Variants in KLF8 observed in about 807,000 individuals in gnomAD.
The protein encoded by KLF8 is KLF transcription factor 8, also known as Krueppel-like factor 8.
KLF8 carries 10 observed loss-of-function variants against 18.2 expected under a neutral mutation model. The ratio of observed to expected loss-of-function variants is 0.55; its 90% CI spans 0.34 to 0.93. KLF8 has a LOEUF of 0.93. Ranked by LOEUF, KLF8 falls within the 40% of genes least tolerant of loss-of-function variation. The pLI is 0.02. For synonymous variants in KLF8, 109 were observed against 97.3 expected (o/e 1.12, Z -0.71); for missense variants, 264 against 277.9 (o/e 0.95, Z 0.36).
chrX:56,231,327 T>A (rs2066400115), upstream of KLF8, among the ~76,000 whole-genome samples: 1 of 111,785 alleles, frequency 8.9e-6, no homozygotes, highest in Non-Finnish European at 1.9e-5. Context: ...TAGACCTATG[T>A]GTTCGAAAGT....
chrX:55,950,319 G>A, the KLF8 span, among the ~76,000 whole-genome samples: 1 of 110,965 alleles, frequency 9.0e-6, no homozygotes, highest in South Asian at 3.9e-4. Context: ...ATTTCAGAGT[G>A]GCCAACAGCA....
the KLF8 span, among the ~76,000 whole-genome samples, chrX:56,130,120 C>A: frequency 9.0e-6 from 1 of 110,847 alleles, no homozygotes; most frequent in Non-Finnish European, 1.9e-5. Flanking sequence ...GCCTCGCCCA[C>A]CTCCTGATTC....
the KLF8 span, among the ~76,000 whole-genome samples, chrX:55,993,162 T>A: frequency 9.0e-6 from 1 of 111,452 alleles, no homozygotes; most frequent in African/African-American, 3.3e-5. Flanking sequence ...AGAGTTGGCA[T>A]CCTTGTCTTG....
chrX:56,026,923 C>T, the KLF8 span, among the ~76,000 whole-genome samples: 24 of 112,595 alleles, frequency 2.1e-4, no homozygotes, highest in Admixed American at 2.0e-3. Context: ...GCTTGTATGC[C>T]GGGAGGGACA....
the KLF8 span, among the ~76,000 whole-genome samples, chrX:56,025,861 G>A: frequency 2.7e-5 from 3 of 111,911 alleles, no homozygotes; most frequent in Non-Finnish European, 5.6e-5. Context: ...ATAACTATAG[G>A]ACAAAAAGAT....
chrX:56,072,024 G>T, the KLF8 span, among the ~76,000 whole-genome samples: 1 of 111,716 alleles, frequency 9.0e-6, no homozygotes, highest in South Asian at 3.7e-4. Flanking sequence ...TAGCAGATAA[G>T]AATGACTTTT....
the KLF8 span, among the ~76,000 whole-genome samples, chrX:56,156,137 C>T: frequency 8.9e-6 from 1 of 111,891 alleles, no homozygotes; most frequent in South Asian, 3.7e-4. Flanking sequence ...TGTCTTGTGT[C>T]TTTTTGGTAG....
chrX:56,148,986 C>CA, the KLF8 span, among the ~76,000 whole-genome samples: 1 of 112,252 alleles, frequency 8.9e-6, no homozygotes, highest in Non-Finnish European at 1.9e-5. Context: ...TGAAGGGCTT[C>CA]ATAGCCCATA....
chrX:56,147,841 G>A, the KLF8 span, among the ~76,000 whole-genome samples: 1 of 111,877 alleles, frequency 8.9e-6, no homozygotes, highest in Non-Finnish European at 1.9e-5. Context: ...TGACCGGCAA[G>A]GTGGTGCACA....
chrX:56,046,771 A>G, the KLF8 span, among the ~76,000 whole-genome samples: 5 of 111,360 alleles, frequency 4.5e-5, no homozygotes, highest in Non-Finnish European at 9.4e-5. Flanking sequence ...TACATTTTTT[A>G]TAGGTTACCT....
At chrX:55,924,644 T>C in the KLF8 span, among the ~76,000 whole-genome samples, 2 of 110,642 alleles carry the variant, frequency 1.8e-5, no homozygotes, top group Non-Finnish European at 3.8e-5. Context: ...ATCTACTTAA[T>C]GCCAGAGACT....
At chrX:55,965,159 A>C in the KLF8 span, among the ~76,000 whole-genome samples, 78 of 111,828 alleles carry the variant, frequency 7.0e-4, no homozygotes, top group Non-Finnish European at 1.1e-3. Flanking sequence ...CAACAAAATC[A>C]AATTAACCAG....
At chrX:56,110,585 G>T in the KLF8 span, among the ~76,000 whole-genome samples, 3 of 111,123 alleles carry the variant, frequency 2.7e-5, no homozygotes, top group Non-Finnish European at 5.7e-5. Flanking sequence ...GTATTATTTT[G>T]ATTCCCTTCT....
the KLF8 span, among the ~76,000 whole-genome samples, chrX:56,223,086 G>T: frequency 1.8e-5 from 2 of 113,239 alleles, no homozygotes; most frequent in African/African-American, 6.4e-5. Context: ...AGCCAGGGCT[G>T]CGAGGGCTGC....
the KLF8 span, among the ~76,000 whole-genome samples, chrX:56,197,418 C>G: frequency 8.9e-6 from 1 of 111,760 alleles, no homozygotes; most frequent in Non-Finnish European, 1.9e-5. Flanking sequence ...CAACATTGAT[C>G]TCACAGAAAT....
chrX:56,269,702 C>T (rs1369148606), intron 4 of KLF8, among the ~76,000 whole-genome samples: 2 of 112,327 alleles, frequency 1.8e-5, no homozygotes, highest in Non-Finnish European at 1.9e-5. Context: ...GAGCTATGTT[C>T]TAACTGTAGA....
At chrX:56,264,001 T>C (rs899889407) in intron 2 of KLF8, among the ~76,000 whole-genome samples, 3 of 112,128 alleles carry the variant, frequency 2.7e-5, no homozygotes, top group Non-Finnish European at 5.6e-5. Context: ...ATAAAGGATG[T>C]ATTCCTTAAC....
the KLF8 span, among the ~76,000 whole-genome samples, chrX:56,001,361 C>A: frequency 8.9e-6 from 1 of 111,808 alleles, no homozygotes; most frequent in Non-Finnish European, 1.9e-5. Context: ...CCATTCTTTC[C>A]TTTTTCCATC....
the KLF8 span, among the ~76,000 whole-genome samples, chrX:56,023,659 A>G: frequency 1.8e-5 from 2 of 109,297 alleles, no homozygotes; most frequent in African/African-American, 6.8e-5. Context: ...TTTTTTTTTT[A>G]ACACAAACAC....
Sources: gnomAD v4.1 joint callset for allele counts (sites outside exome capture counted in the v4.1 genomes callset) on GRCh38, gnomAD v4.1.1 for gene constraint, MANE v1.5 for transcripts, NCBI Gene and HGNC (gene_info 2026-07-23, HGNC 2026-07-21) for gene names.